TAFA5: variants seen among roughly 807,000 people sequenced by gnomAD.
TAFA5 encodes TAFA chemokine like family member 5.
Under a neutral mutation model 15.3 loss-of-function variants are expected in TAFA5, and 6 were observed. The observed-to-expected ratio is 0.39, with a 90% CI of 0.21 to 0.77. TAFA5 has a LOEUF of 0.77. TAFA5 is among the 30% of genes least tolerant of loss of function. The pLI is 0.41. For missense variants in TAFA5, 161 were observed against 193.1 expected, an observed-to-expected ratio of 0.83 and a Z score of 0.98; for synonymous variants, 103 against 80.7, an observed-to-expected ratio of 1.28 and a Z score of -1.48.
intron 1 of TAFA5, among the ~76,000 whole-genome samples, chr22:48,633,208 T>C (rs1447815464): frequency 6.6e-6 from 1 of 152,090 alleles, no homozygotes; most frequent in Non-Finnish European, 1.5e-5. Flanking sequence ...CCCACGACCT[T>C]TGCGGGGAAT....
At chr22:48,660,905 G>GTCTCGGA (rs1261360910) in intron 2 of TAFA5, among the ~76,000 whole-genome samples, 2 of 151,292 alleles carry the variant, frequency 1.3e-5, no homozygotes, top group African/African-American at 4.9e-5. Flanking sequence ...TGCTCTTACA[G>GTCTCGGA]TCTCGGAGAC....
In TAFA5 at chr22:48,489,699, A is replaced by G; in HGVS notation, c.107A>G (p.Tyr36Cys). ...FMILASLLIAYCSQLAAGTCE... is the reference protein window; with the variant it reads ...FMILASLLIACCSQLAAGTCE... ...ATCCTGGCCAGCCTGCTCATCGCCTACTGCAGTGAGTACCGCGCGGCCCCG... is the reference window on the plus strand; with the variant it reads ...ATCCTGGCCAGCCTGCTCATCGCCTGCTGCAGTGAGTACCGCGCGGCCCCG... The change falls in exon 1 of 4, where the codon TAC becomes TGC. Residue 36 changes from tyrosine to cysteine, a missense_variant. By Grantham distance (194) the Tyr-to-Cys change is radical (BLOSUM62 -2). Transcript: ENST00000402357. This position sits in a 1 kb window ranked among gnomAD's most constrained non-coding sequence, Gnocchi z 5.5. 2 of 1,488,530 alleles carry G rather than the reference A, an allele frequency of 1.3e-6. No homozygotes were observed. The highest frequency in any genetic ancestry group is 1.5e-5 in the African/African-American group (1 of 68,688). 92.2% of individuals were successfully genotyped at this position (1,488,530 alleles called of 1,614,324 possible).
chr22:48,593,931 C>T (rs1227560625), intron 1 of TAFA5, among the ~76,000 whole-genome samples: 1 of 152,242 alleles, frequency 6.6e-6, no homozygotes, highest in African/African-American at 2.4e-5. Context: ...GAGACCTCAT[C>T]AGTGTGTCGG....
intron 1 of TAFA5, among the ~76,000 whole-genome samples, chr22:48,599,526 G>C (rs1460101742): frequency 2.0e-5 from 3 of 152,274 alleles, no homozygotes; most frequent in African/African-American, 7.2e-5. Context: ...GGCACAGAGA[G>C]AGCGTGACTG....
chr22:48,715,253 G>T (rs559130823), intron 3 of TAFA5, among the ~76,000 whole-genome samples: 1 of 152,336 alleles, frequency 6.6e-6, no homozygotes, highest in Admixed American at 6.5e-5. Flanking sequence ...GCTGTTCAGT[G>T]CTGTGCTCCG....
At chr22:48,500,421 T>G (rs191434000) in intron 1 of TAFA5, among the ~76,000 whole-genome samples, 14 of 152,330 alleles carry the variant, frequency 9.2e-5, no homozygotes, top group African/African-American at 3.4e-4. Context: ...TGTTTTCAAA[T>G]AGGGGACGGG....
chr22:48,506,824 C>T (rs1921009657), intron 1 of TAFA5, among the ~76,000 whole-genome samples: 1 of 152,234 alleles, frequency 6.6e-6, no homozygotes, highest in African/African-American at 2.4e-5. Context: ...GCCACACAGA[C>T]CTAGGATGAC....
At chr22:48,676,884 G>A (rs1465139805) in intron 2 of TAFA5, among the ~76,000 whole-genome samples, 3 of 152,212 alleles carry the variant, frequency 2.0e-5, no homozygotes, top group African/African-American at 4.8e-5. Context: ...CATTGCAAGT[G>A]TGAAGTGATT....
intron 1 of TAFA5, among the ~76,000 whole-genome samples, chr22:48,631,184 C>T (rs1926213846): frequency 6.6e-6 from 1 of 152,190 alleles, no homozygotes; most frequent in African/African-American, 2.4e-5. Flanking sequence ...CTGGGAGAGG[C>T]AGGGGGCCCT....
intron 1 of TAFA5, among the ~76,000 whole-genome samples, chr22:48,645,978 C>G (rs866243169): frequency 6.6e-6 from 1 of 152,148 alleles, no homozygotes; most frequent in African/African-American, 2.4e-5. Context: ...GGGCGTGCAC[C>G]GCGCTGTGGG....
chr22:48,605,290 A>AATGGTGGTGATGGTGATG (rs1925134290), intron 1 of TAFA5, among the ~76,000 whole-genome samples: 1 of 10,892 alleles, frequency 9.2e-5, no homozygotes, highest in Non-Finnish European at 1.9e-4. Context: ...TGATGTTGTT[A>AATGGTGGTGATGGTGATG]ATGGTGGTGA....
At chr22:48,681,298 A>G (rs1318546533) in intron 2 of TAFA5, among the ~76,000 whole-genome samples, 1 of 152,114 alleles carries the variant, frequency 6.6e-6, no homozygotes, top group Non-Finnish European at 1.5e-5. Flanking sequence ...ACCCGTGAGG[A>G]CACGCACAGC....
At chr22:48,575,765 A>C (rs1166270004) in intron 1 of TAFA5, among the ~76,000 whole-genome samples, 1 of 141,966 alleles carries the variant, frequency 7.0e-6, no homozygotes, top group Non-Finnish European at 1.6e-5. Flanking sequence ...GGGCCGCGCA[A>C]GTTCGATCGC....
At chr22:48,726,467 T>C (rs1929718662) in intron 3 of TAFA5, among the ~76,000 whole-genome samples, 1 of 150,734 alleles carries the variant, frequency 6.6e-6, no homozygotes, top group African/African-American at 2.4e-5. Flanking sequence ...GAATCACTGG[T>C]CCAGTGGTGG....
At chr22:48,704,094 G>A (rs963645935) in intron 2 of TAFA5, among the ~76,000 whole-genome samples, 9 of 152,134 alleles carry the variant, frequency 5.9e-5, no homozygotes, top group African/African-American at 2.2e-4. Context: ...CATGGTACGG[G>A]GTGGATGGGA....
At chr22:48,634,144 A>AC (rs397811001) in intron 1 of TAFA5, among the ~76,000 whole-genome samples, 4 of 151,798 alleles carry the variant, frequency 2.6e-5, no homozygotes, top group African/African-American at 7.3e-5. Flanking sequence ...TCACTCACTC[A>AC]TTTATTCACT....
intron 3 of TAFA5, among the ~76,000 whole-genome samples, chr22:48,719,286 C>T (rs1331070606): frequency 2.6e-5 from 4 of 152,288 alleles, no homozygotes; most frequent in Admixed American, 6.5e-5. Flanking sequence ...TGAGGTGGCA[C>T]GTCCCGTTCC....
intron 3 of TAFA5, among the ~76,000 whole-genome samples, chr22:48,737,040 T>TCTCTCCC (rs1491442802): frequency 6.6e-6 from 1 of 152,130 alleles, no homozygotes; most frequent in Non-Finnish European, 1.5e-5. Context: ...CCCTGACCCG[T>TCTCTCCC]CTCTCCCCTG....
chr22:48,571,188 C>A lies in TAFA5; in HGVS notation c.113-75409C>A, dbSNP rs1010844369. Among the ~76,000 whole-genome samples the A allele has an allele frequency of 4.0e-5, 6 of 151,000 alleles. No individual in the cohort carries two copies. The South Asian group carries it at 1.3e-3, about 32-fold the overall frequency. Reference sequence around the variant, plus strand: ...GAATCTGAAGTCACTGCTCCACTGTCTTTGAGAAGCCAGTGTTTCTAAAGC... The same window carrying A: ...GAATCTGAAGTCACTGCTCCACTGTATTTGAGAAGCCAGTGTTTCTAAAGC... On this transcript the variant is annotated intron_variant, in intron 1 of 3. Transcript: ENST00000402357.
Sources: allele counts gnomAD v4.1 joint callset (sites outside exome capture counted in the v4.1 genomes callset), GRCh38; gene constraint gnomAD v4.1.1; non-coding constraint Gnocchi (gnomAD v3.1); transcripts MANE v1.5; gene names NCBI Gene and HGNC (gene_info 2026-07-23, HGNC 2026-07-21).